The following ODC1 variants were observed in gnomAD, a reference collection of about 807,000 sequenced individuals.
The protein encoded by ODC1 is ornithine decarboxylase.
A neutral mutation model predicts 41.5 loss-of-function variants in ODC1; 18 were observed. The observed-to-expected ratio is 0.43, with a 90% CI of 0.30 to 0.64. The LOEUF (loss-of-function observed/expected upper bound fraction) is 0.64, where lower values mean the gene tolerates loss of function less well. Ranked by LOEUF, ODC1 falls within the 30% of genes least tolerant of loss-of-function variation. The pLI, the probability that ODC1 is intolerant of heterozygous loss-of-function variation, is 0.11. For missense variants in ODC1, 504 were observed against 589.0 expected, an observed-to-expected ratio of 0.86 and a Z score of 1.49; for synonymous variants, 218 against 211.6, an observed-to-expected ratio of 1.03 and a Z score of -0.26.
rs774671826 is a variant in ODC1, at chr2:10,441,932, A to G, written c.914-3T>C. ...CTGCTCACTCGACTCATCTTCGTCT[A>G]GAAAGGCAGATCAACAATCTTAATG... On this transcript the variant is annotated splice_region_variant and splice_polypyrimidine_tract_variant and intron_variant, in intron 9 of 11. Coordinates refer to ENST00000234111, the MANE Select transcript of ODC1 (RefSeq NM_002539.3). 3.0e-5 allele frequency: 49 copies of G among 1,613,960 alleles called. No individual in the cohort carries two copies. Among genetic ancestry groups the G allele is most frequent in the Non-Finnish European group, 3.9e-5 (46 of 1,179,886 alleles).
intron 8 of ODC1, among the ~76,000 whole-genome samples, chr2:10,442,635 A>G (rs1310308332): frequency 6.6e-6 from 1 of 152,244 alleles, no homozygotes; most frequent in African/African-American, 2.4e-5. Flanking sequence ...GAGAGGAAGC[A>G]TAGGTCTAGC....
rs1298934462 is a variant in ODC1 at position 10,444,563 on chromosome 2, T to C, written c.187A>G (p.Thr63Ala). Residue 63 changes from threonine to alanine, a missense_variant, in exon 4 of 12, where the codon ACC (threonine) becomes GCC (alanine). Physicochemically the swap from Thr to Ala is moderately conservative, Grantham distance 58. This residue lies in a region of ODC1 where 447 missense variants were observed against 524.4 expected (regional missense o/e 0.85). Coordinates refer to ENST00000234111, the MANE Select transcript of ODC1 (RefSeq NM_002539.3). ...TTACATTTGACTGCATAAAAGGGGG[T>C]GACACGAGGGAGAGCTTTTAACCAC... is the stretch of plus-strand genomic sequence containing the variant. ...LRWLKALPRV[T>A]PFYAVKCNDS... is the part of the protein sequence containing the mutation. 1.2e-6 allele frequency: 2 copies of C among 1,613,958 alleles called. No individual in the cohort carries two copies. The highest frequency in any genetic ancestry group is 1.7e-6 in the Non-Finnish European group (2 of 1,179,972).
chr2:10,448,215 G>A lies in ODC1; in HGVS notation c.-222C>T, dbSNP rs1672102988. ...GCAGGAGCGCTCGGCCGCCCCCGCC[G>A]CGCCCGTCAGCGCCTGGCTCCCGCC... is the stretch of plus-strand genomic sequence containing the variant. On this transcript the variant is annotated 5_prime_UTR_variant, in exon 1 of 12. Coordinates refer to ENST00000234111, the MANE Select transcript of ODC1 (RefSeq NM_002539.3). 1 of 195,800 alleles carries A rather than the reference G, an allele frequency of 5.1e-6. No individual in the cohort carries two copies. Among genetic ancestry groups the A allele is most frequent in the Non-Finnish European group, 1.0e-5 (1 of 97,686 alleles). 12.1% of individuals were successfully genotyped at this position (195,800 alleles called of 1,614,324 possible). A position where few individuals can be genotyped will look rare whatever the true frequency, so the allele number is the denominator to read the frequency against.
At chr2:10,444,807 G>A in intron 3 of ODC1, 124 bp downstream of exon 3, 1 of 847,002 alleles carries the variant, frequency 1.2e-6, no homozygotes, top group Non-Finnish European at 1.9e-6. Context: ...TACCACCAGT[G>A]AATTAATTTC....
Position 10,443,402 on chromosome 2 carries a change from C to T in ODC1, c.666+88G>A, listed in dbSNP as rs571097597. On this transcript the variant is annotated intron_variant, in intron 7 of 11. Coordinates refer to ENST00000234111, the MANE Select transcript of ODC1 (RefSeq NM_002539.3). ...GGCTGAAACCCATGTAATACAGAAC[C>T]AACTGCCATAAAAAGTTAACTCTAG... 3.9e-6 allele frequency: 6 copies of T among 1,552,032 alleles called. No homozygotes were observed. In the East Asian group the frequency reaches 9.0e-5, roughly 23 times the overall value.
chr2:10,447,723 G>A (rs866667218), intron 1 of ODC1: 1 of 152,174 alleles, frequency 6.6e-6, no homozygotes, highest in Non-Finnish European at 1.5e-5. Context: ...GGGCCCGCTC[G>A]TCTGTACCAA....
chr2:10,444,402 C>A, intron 4 of ODC1, 72 bp downstream of exon 4: 2 of 1,523,716 alleles, frequency 1.3e-6, no homozygotes, highest in Non-Finnish European at 8.8e-7. Flanking sequence ...AAAAACACAA[C>A]TTGTATCTGC....
At chr2:10,443,415 A>G in intron 7 of ODC1, 75 bp downstream of exon 7, 1 of 1,564,356 alleles carries the variant, frequency 6.4e-7, no homozygotes. Context: ...CTGCCATAAA[A>G]AGTTAACTCT....
intron 1 of ODC1, among the ~76,000 whole-genome samples, chr2:10,446,531 G>A (rs1294099259): frequency 5.3e-5 from 8 of 152,210 alleles, no homozygotes; most frequent in Non-Finnish European, 1.0e-4. Context: ...TATTTGCTTA[G>A]CTATGAGAAT....
In ODC1 at chr2:10,441,825, G is replaced by A. The variant is rs945649752; in HGVS notation, c.1018C>T (p.Leu340=). 3 of 1,613,934 alleles carry A rather than the reference G, an allele frequency of 1.9e-6. No homozygotes were observed. The highest frequency in any genetic ancestry group is 2.7e-5 in the African/African-American group (2 of 74,934). ...LYDHAHVKPL[L]QKRPKPDEKY... ...GTATGCTCAGAAATTACCTTTTGCA[G>A]AAGGGGCTTTACATGTGCGTGGTCA... The change falls in exon 10 of 12, where the codon CTG becomes TTG. Residue 340 remains leucine, a synonymous_variant. Transcript: ENST00000234111.
chr2:10,444,167 T>A lies in ODC1; in HGVS notation c.377A>T (p.Asn126Ile). Reference protein sequence around the residue: ...QVSQIKYAANNGVQMMTFDSE... With the variant: ...QVSQIKYAANIGVQMMTFDSE... ...ATCAAAAGTCATCATCTGGACTCCATTATTAGCAGCATACTTAATTTGAGA... is the reference window on the plus strand; with the variant it reads ...ATCAAAAGTCATCATCTGGACTCCAATATTAGCAGCATACTTAATTTGAGA... Residue 126 changes from asparagine to isoleucine, a missense_variant, in exon 5 of 12, where the codon AAT becomes ATT. Physicochemically the swap from Asn to Ile is moderately radical, Grantham distance 149. Transcript: ENST00000234111. The A allele has an allele frequency of 6.2e-7, 1 of 1,612,834 alleles. No homozygotes were observed. The highest frequency in any genetic ancestry group is 8.5e-7 in the Non-Finnish European group (1 of 1,179,704).
At chr2:10,442,456 G>A (rs1254784749) in intron 8 of ODC1, among the ~76,000 whole-genome samples, 1 of 152,084 alleles carries the variant, frequency 6.6e-6, no homozygotes, top group Non-Finnish European at 1.5e-5. Flanking sequence ...CTACTACCTA[G>A]GAAGGCATCA....
At chr2:10,444,807 GAATT>G (rs1671954275) in intron 3 of ODC1, 120 bp downstream of exon 3, 6 of 847,002 alleles carry the variant, frequency 7.1e-6, no homozygotes, top group Non-Finnish European at 1.1e-5. Context: ...TACCACCAGT[GAATT>G]AATTTCTACA....
Position 10,444,081 on chromosome 2 carries a change from G to A in ODC1, c.449+14C>T, listed in dbSNP as rs1671932077. 2 of 1,570,106 alleles carry A rather than the reference G, an allele frequency of 1.3e-6. No individual in the cohort carries two copies. Among genetic ancestry groups the A allele is most frequent in the African/African-American group, 1.4e-5 (1 of 73,348 alleles). On this transcript the variant is annotated intron_variant, in intron 5 of 11. Transcript: ENST00000234111. ...ATGCTCCCGATCTTGCCCTCAGATG[G>A]GGGAATAACTCACTTTGCTTTGGGA... is the stretch of plus-strand genomic sequence containing the variant.
chr2:10,446,138 T>G (rs1280290325), intron 1 of ODC1, among the ~76,000 whole-genome samples: 11 of 151,574 alleles, frequency 7.3e-5, no homozygotes, highest in African/African-American at 2.7e-4. Flanking sequence ...CAGTATTTTT[T>G]TTTTTTTTTT....
At position 10,445,197 on chromosome 2, in the gene ODC1, T is replaced by G. The variant is rs375809058; in HGVS notation, c.-60A>C. ...GGAATTGAAAGAAATATTTCCAGCTTCTCACAAAGGCAACTCTCCAGGAAT... is the reference window on the plus strand; with the variant it reads ...GGAATTGAAAGAAATATTTCCAGCTGCTCACAAAGGCAACTCTCCAGGAAT... On this transcript the variant is annotated 5_prime_UTR_variant, in exon 2 of 12. Coordinates refer to ENST00000234111, the MANE Select transcript of ODC1 (RefSeq NM_002539.3). The G allele has an allele frequency of 9.7e-5, 54 of 557,064 alleles. No homozygotes were observed. Among genetic ancestry groups the G allele is most frequent in the African/African-American group, 8.9e-4 (47 of 52,638 alleles). 34.5% of individuals were successfully genotyped at this position (557,064 alleles called of 1,614,324 possible).
chr2:10,443,925 T>C, intron 5 of ODC1, 89 bp from the exon 6 acceptor site: 1 of 1,557,950 alleles, frequency 6.4e-7, no homozygotes, highest in Non-Finnish European at 8.8e-7. Context: ...TTCTAAATAC[T>C]GTCGCTGATA....
In ODC1 at chr2:10,441,657, G is replaced by C; in HGVS notation, c.1093C>G (p.Arg365Gly). ...GGCAGGTCACAGCGCTCAACAATCC[G>C]ATCGAGGCCATCACATGTTGGTCCC... is the stretch of plus-strand genomic sequence containing the variant. ...IWGPTCDGLD[R>G]IVERCDLPEM... Residue 365 changes from arginine to glycine, a missense_variant, in exon 11 of 12, where the codon CGG (arginine) becomes GGG (glycine). Physicochemically the swap from Arg to Gly is moderately radical, Grantham distance 125. Coordinates refer to ENST00000234111, the MANE Select transcript of ODC1 (RefSeq NM_002539.3). The C allele has an allele frequency of 1.2e-6, 2 of 1,614,204 alleles. No homozygotes were observed. The highest frequency in any genetic ancestry group is 1.7e-6 in the Non-Finnish European group (2 of 1,180,052).
chr2:10,443,531 C>G lies in ODC1; in HGVS notation c.625G>C (p.Val209Leu). Residue 209 changes from valine to leucine, a missense_variant, in exon 7 of 12, where the codon GTG becomes CTG. Transcript: ENST00000234111. ...GSGCTDPETF[V>L]QAISDARCVF... ...CAGCGGGCATCAGAGATTGCCTGCA[C>G]GAAGGTCTCAGGATCGGTACAGCCG... 1 of 1,613,996 alleles carries G rather than the reference C, an allele frequency of 6.2e-7. No individual in the cohort carries two copies. Among genetic ancestry groups the G allele is most frequent in the Non-Finnish European group, 8.5e-7 (1 of 1,179,980 alleles).
Sources: gnomAD v4.1 joint callset for allele counts (sites outside exome capture counted in the v4.1 genomes callset) on GRCh38, gnomAD v4.1.1 for gene constraint, gnomAD v4.1.1 regional missense constraint, MANE v1.5 for transcripts, NCBI Gene and HGNC (gene_info 2026-07-23, HGNC 2026-07-21) for gene names.